The following DNAH11 variants were observed in gnomAD, a reference collection of about 807,000 sequenced individuals.
The protein encoded by DNAH11 is dynein axonemal heavy chain 11, also known as axonemal beta dynein heavy chain 11.
DNAH11 carries 442 observed loss-of-function variants against 526.0 expected under a neutral mutation model. That is an observed-to-expected ratio of 0.84 (90% confidence interval 0.78 to 0.91). The LOEUF is 0.91. Ranked by LOEUF, DNAH11 falls within the 40% of genes least tolerant of loss-of-function variation. The pLI is 0.00. For synonymous variants in DNAH11, 2,461 were observed against 1,935.9 expected (o/e 1.27, Z -7.12); for missense variants, 6,989 against 5,448.7 (o/e 1.28, Z -8.90).
At chr7:21,571,702 T>C in intron 7 of DNAH11, 104 bp from the exon 8 acceptor site, 1 of 772,424 alleles carries the variant, frequency 1.3e-6, no homozygotes, top group South Asian at 3.4e-5. Flanking sequence ...TTTTCTGTCA[T>C]TGACTCATTG....
chr7:21,851,530 T>C, intron 66 of DNAH11: 2 of 471,252 alleles, frequency 4.2e-6, no homozygotes, highest in Non-Finnish European at 8.8e-6. Context: ...TTTAAAATGG[T>C]TACTTTCCCT....
chr7:21,798,506 A>T (rs1192253370), intron 61 of DNAH11, among the ~76,000 whole-genome samples: 1 of 152,224 alleles, frequency 6.6e-6, no homozygotes, highest in Non-Finnish European at 1.5e-5. Flanking sequence ...CACAACTGGA[A>T]CTTCTCAAAC....
chr7:21,706,340 A>G (rs1248988699), intron 39 of DNAH11, among the ~76,000 whole-genome samples: 1 of 152,058 alleles, frequency 6.6e-6, no homozygotes. Context: ...GGGTATAAAC[A>G]TACTTGGTAG....
intron 20 of DNAH11, among the ~76,000 whole-genome samples, chr7:21,608,846 G>A (rs1462203744): frequency 1.2e-4 from 15 of 127,092 alleles, no homozygotes; most frequent in Non-Finnish European, 2.1e-4. Flanking sequence ...GAGACTGTAC[G>A]CTTATAACTA....
rs1383330848 is a variant in DNAH11 at position 21,606,529 on chromosome 7, G to A, written c.3752G>A (p.Cys1251Tyr). The stretch of plus-strand genomic sequence containing the variant: ...GAAGTCACTCTTATAAGGAAAAAAT[G>A]TATTTTGTTTGACGTAAGCTAGTTA... ...NAEVTLIRKK[C>Y]ILFDAKQAEF... Residue 1251 changes from cysteine to tyrosine, a missense_variant, in exon 19 of 82, where the codon TGT (cysteine) becomes TAT (tyrosine). Transcript: ENST00000409508. The A allele has an allele frequency of 1.2e-6, 2 of 1,607,124 alleles. No individual in the cohort carries two copies. The highest frequency in any genetic ancestry group is 1.7e-6 in the Non-Finnish European group (2 of 1,177,826).
At chr7:21,649,574 T>G (rs1043307878) in intron 28 of DNAH11, among the ~76,000 whole-genome samples, 3 of 152,096 alleles carry the variant, frequency 2.0e-5, no homozygotes, top group African/African-American at 7.2e-5. Context: ...GTGAATTCAC[T>G]TCTATAAAGA....
chr7:21,657,450 A>G (rs372228264), intron 29 of DNAH11, among the ~76,000 whole-genome samples: 2 of 152,178 alleles, frequency 1.3e-5, no homozygotes, highest in Non-Finnish European at 2.9e-5. Flanking sequence ...TTAGTTCTCA[A>G]AGCATACTGA....
At position 21,786,455 on chromosome 7, in the gene DNAH11, C is replaced by G. The variant is rs11496011; in HGVS notation, c.9598-169C>G. Among the ~76,000 whole-genome samples the G allele has an allele frequency of 0.32, 48,240 of 152,052 alleles. 9,450 individuals are homozygous for G. The highest frequency in any genetic ancestry group is 0.44 in the Non-Finnish European group (29,938 of 67,958). On this transcript the variant is annotated intron_variant, in intron 58 of 81. Coordinates refer to ENST00000409508, the MANE Select transcript of DNAH11 (RefSeq NM_001277115.2). ...GAGAAGTGCCCAGCAAGAACTGAAC[C>G]TCCTGGAGTTCCAAGGTGGAGTCCC...
rs199873687 is a variant in DNAH11 at position 21,601,664 on chromosome 7, C to A, written c.3648+46C>A. The A allele has an allele frequency of 2.1e-4, 291 of 1,394,296 alleles. 1 individual carries two copies. The highest frequency in any genetic ancestry group is 1.8e-4 in the Middle Eastern group (1 of 5,436). 86.4% of individuals were successfully genotyped at this position (1,394,296 alleles called of 1,614,324 possible). ...ATCATAATTACCATAAATTGAGCAT[C>A]TCTTTTATTAAAGTACTTTACATGT... On this transcript the variant is annotated intron_variant, in intron 18 of 81. Transcript: ENST00000409508.
At chr7:21,889,166 T>C (rs909374199) in intron 76 of DNAH11, among the ~76,000 whole-genome samples, 1 of 152,224 alleles carries the variant, frequency 6.6e-6, no homozygotes, top group African/African-American at 2.4e-5. Context: ...ATACAATATG[T>C]AGCCTTCTTT....
At chr7:21,698,639 C>G (rs1783945829) in intron 36 of DNAH11, among the ~76,000 whole-genome samples, 1 of 152,144 alleles carries the variant, frequency 6.6e-6, no homozygotes, top group Admixed American at 6.5e-5. Flanking sequence ...GCTGCAAATG[C>G]CATTATTTCA....
At position 21,710,539 on chromosome 7, in the gene DNAH11, A is replaced by G. The variant is rs763375333; in HGVS notation, c.6684-14A>G. The G allele has an allele frequency of 1.3e-6, 2 of 1,588,518 alleles. No homozygotes were observed. Among genetic ancestry groups the G allele is most frequent in the Non-Finnish European group, 1.7e-6 (2 of 1,162,282 alleles). ...TCGTAGAAATAAACAGCACTCAACT[A>G]CATTATATATTAGGATTGTTTACTC... On this transcript the variant is annotated splice_polypyrimidine_tract_variant and intron_variant, in intron 40 of 81. Transcript: ENST00000409508.
intron 48 of DNAH11, among the ~76,000 whole-genome samples, 185 bp from the exon 49 acceptor site, chr7:21,741,742 T>C (rs1785908802): frequency 6.6e-6 from 1 of 152,300 alleles, no homozygotes; most frequent in Non-Finnish European, 1.5e-5. Flanking sequence ...AGTGGCACAC[T>C]GTCACTTCCA....
chr7:21,543,445 C>A lies in DNAH11; in HGVS notation c.200C>A (p.Ala67Glu), dbSNP rs900261273. 63 of 1,565,770 alleles carry A rather than the reference C, an allele frequency of 4.0e-5. No individual in the cohort carries two copies. Among genetic ancestry groups the A allele is most frequent in the Non-Finnish European group, 5.2e-5 (60 of 1,154,554 alleles). Reference sequence around the variant, plus strand: ...GTGCGCTTCCTCGGCGGCCGCCTGGCGATGATGCTGGGGTTCACGGAGGAG... The same window carrying A: ...GTGCGCTTCCTCGGCGGCCGCCTGGAGATGATGCTGGGGTTCACGGAGGAG... ...ARVRFLGGRLAMMLGFTEEKW... is the reference protein window; with the variant it reads ...ARVRFLGGRLEMMLGFTEEKW... Residue 67 changes from alanine to glutamate, a missense_variant, in exon 1 of 82, where the codon GCG (alanine) becomes GAG (glutamate). Coordinates refer to ENST00000409508, the MANE Select transcript of DNAH11 (RefSeq NM_001277115.2).
At chr7:21,626,908 G>A (rs531485225) in intron 25 of DNAH11, among the ~76,000 whole-genome samples, 2 of 151,902 alleles carry the variant, frequency 1.3e-5, no homozygotes, top group Admixed American at 6.6e-5. Context: ...CCGCCACCAT[G>A]CCTGGCTAAT....
intron 31 of DNAH11, among the ~76,000 whole-genome samples, chr7:21,682,867 C>T (rs1783202292): frequency 6.6e-6 from 1 of 152,132 alleles, no homozygotes; most frequent in African/African-American, 2.4e-5. Flanking sequence ...CTTGATCCAG[C>T]TTCAGGACCA....
At chr7:21,738,034 T>G (rs1785693388) in intron 46 of DNAH11, among the ~76,000 whole-genome samples, 1 of 152,200 alleles carries the variant, frequency 6.6e-6, no homozygotes, top group Non-Finnish European at 1.5e-5. Context: ...GAATATGACA[T>G]AGTTCCTTGG....
chr7:21,656,328 C>G (rs563411439), intron 29 of DNAH11, among the ~76,000 whole-genome samples: 1 of 152,050 alleles, frequency 6.6e-6, no homozygotes, highest in Non-Finnish European at 1.5e-5. Context: ...CACCACTGCT[C>G]GGAGAACAGA....
rs538094390 is a variant in DNAH11, at chr7:21,585,893, G to T, written c.1711-2171G>T. Among the ~76,000 whole-genome samples, 13 of 152,304 alleles carry T rather than the reference G, an allele frequency of 8.5e-5. No individual in the cohort carries two copies. In the South Asian group the frequency reaches 2.7e-3, roughly 32 times the overall value. On this transcript the variant is annotated intron_variant, in intron 9 of 81. Coordinates refer to ENST00000409508, the MANE Select transcript of DNAH11 (RefSeq NM_001277115.2). ...TGATATTTAGAAAGAGAAGCATGTG[G>T]TGGGAATTACTCTTTAGTCTTGAAG...
Sources: gnomAD v4.1 joint callset for allele counts (sites outside exome capture counted in the v4.1 genomes callset) on GRCh38, gnomAD v4.1.1 for gene constraint, MANE v1.5 for transcripts, NCBI Gene and HGNC (gene_info 2026-07-23, HGNC 2026-07-21) for gene names.